ATP8A2: variants seen among roughly 807,000 people sequenced by gnomAD.
ATP8A2 encodes phospholipid-transporting ATPase IB.
ATP8A2 carries 100 observed loss-of-function variants against 165.6 expected under a neutral mutation model. The ratio of observed to expected loss-of-function variants is 0.60; its 90% CI spans 0.51 to 0.71. The LOEUF is 0.71. ATP8A2 is among the 30% of genes least tolerant of loss of function. ATP8A2 has a pLI of 0.00. For synonymous variants in ATP8A2, 543 were observed against 548.8 expected, an observed-to-expected ratio of 0.99 and a Z score of 0.15; for missense variants, 1,227 against 1,479.5, an observed-to-expected ratio of 0.83 and a Z score of 2.80.
intron 1 of ATP8A2, among the ~76,000 whole-genome samples, chr13:25,436,267 G>C (rs371562529): frequency 6.6e-6 from 1 of 151,952 alleles, no homozygotes; most frequent in African/African-American, 2.4e-5. Flanking sequence ...CCCCTACCCC[G>C]TCCCCAATCC....
At chr13:25,877,231 A>G (rs1312388103) in intron 33 of ATP8A2, among the ~76,000 whole-genome samples, 1 of 152,200 alleles carries the variant, frequency 6.6e-6, no homozygotes, top group Non-Finnish European at 1.5e-5. Flanking sequence ...TTCTCCCCCA[A>G]AAACTTTTTT....
At chr13:25,783,779 G>A (rs1381982169) in intron 27 of ATP8A2, among the ~76,000 whole-genome samples, 2 of 152,174 alleles carry the variant, frequency 1.3e-5, no homozygotes, top group Non-Finnish European at 2.9e-5. Flanking sequence ...ATAAATGTCA[G>A]CAATTAGCCC....
rs1302891070 is a variant in ATP8A2, at chr13:25,551,367, A to G, written c.921A>G (p.Ser307=). 13 of 1,613,968 alleles carry G rather than the reference A, an allele frequency of 8.1e-6. No individual in the cohort carries two copies. The highest frequency in any genetic ancestry group is 2.2e-5 in the East Asian group (1 of 44,884). Residue 307 remains serine (S), a synonymous_variant, in exon 11 of 37, where the codon TCA becomes TCG. Transcript: ENST00000381655. ...CAACCAAAGCGCCTCTCAAGAGATC[A>G]AATGTTGAGAAGGTGACTAACGTGC... ...QNSTKAPLKR[S]NVEKVTNVQI...
intron 33 of ATP8A2, among the ~76,000 whole-genome samples, chr13:25,865,578 A>G (rs1191964756): frequency 1.3e-5 from 2 of 152,186 alleles, no homozygotes; most frequent in Non-Finnish European, 1.5e-5. Flanking sequence ...CACGGAGAAG[A>G]ATATGGGTTT....
chr13:25,589,487 TC>T, intron 23 of ATP8A2, 147 bp from the exon 24 acceptor site: 1 of 575,548 alleles, frequency 1.7e-6, no homozygotes. Flanking sequence ...AGAATCAAAA[TC>T]AACTTACTTT....
chr13:25,736,284 G>A (rs1280898390), intron 25 of ATP8A2, among the ~76,000 whole-genome samples: 2 of 152,188 alleles, frequency 1.3e-5, no homozygotes, highest in Non-Finnish European at 2.9e-5. Context: ...AAAGGCTGGA[G>A]AGGCAGTGGG....
chr13:25,934,483 C>T lies in ATP8A2; in HGVS notation c.3184-27092C>T, dbSNP rs540163917. 4.8e-4 allele frequency among the ~76,000 whole-genome samples: 73 copies of T among 152,362 alleles called. 1 individual carries two copies. The South Asian group carries it at 0.014, about 29-fold the overall frequency. ...CCTTGATTCCAATGGTGGCTTTTACCTCCGGTCAGCAGTGTGACCTTAGGA... is the reference window on the plus strand; with the variant it reads ...CCTTGATTCCAATGGTGGCTTTTACTTCCGGTCAGCAGTGTGACCTTAGGA... On this transcript the variant is annotated intron_variant, in intron 33 of 36. Coordinates refer to ENST00000381655, the MANE Select transcript of ATP8A2 (RefSeq NM_016529.6).
At chr13:25,676,354 G>C (rs1328005772) in intron 24 of ATP8A2, among the ~76,000 whole-genome samples, 1 of 152,096 alleles carries the variant, frequency 6.6e-6, no homozygotes, top group East Asian at 1.9e-4. Context: ...TATCTCAGTA[G>C]CTCTTCCCCC....
chr13:25,902,246 C>T (rs538402433), intron 33 of ATP8A2, among the ~76,000 whole-genome samples: 2 of 152,278 alleles, frequency 1.3e-5, no homozygotes, highest in South Asian at 2.1e-4. Flanking sequence ...TTGTCTACTT[C>T]GGAGTGATAT....
At chr13:25,420,594 G>C (rs2138099180) in intron 1 of ATP8A2, among the ~76,000 whole-genome samples, 1 of 152,336 alleles carries the variant, frequency 6.6e-6, no homozygotes, top group South Asian at 2.1e-4. Flanking sequence ...AATAGCTAAT[G>C]CATGCAGGGC....
chr13:25,660,362 A>G (rs2042023058), intron 24 of ATP8A2, among the ~76,000 whole-genome samples: 1 of 152,250 alleles, frequency 6.6e-6, no homozygotes, highest in Non-Finnish European at 1.5e-5. Flanking sequence ...ATCAACCACT[A>G]GAGCCCAATT....
chr13:25,849,831 T>C (rs1951963020), intron 30 of ATP8A2, among the ~76,000 whole-genome samples: 1 of 152,226 alleles, frequency 6.6e-6, no homozygotes, highest in Non-Finnish European at 1.5e-5. Flanking sequence ...CTGAATTGTC[T>C]CTAAGAGAGC....
chr13:25,600,190 A>G (rs975812765), intron 24 of ATP8A2, among the ~76,000 whole-genome samples: 3 of 152,248 alleles, frequency 2.0e-5, no homozygotes, highest in African/African-American at 7.2e-5. Flanking sequence ...TTCATTGAAC[A>G]CAGACATCCC....
In ATP8A2 at chr13:25,638,382, G is replaced by T. The variant is rs142010263; in HGVS notation, c.2211+48683G>T. Among the ~76,000 whole-genome samples, 10 of 152,300 alleles carry T rather than the reference G, an allele frequency of 6.6e-5. 1 individual carries two copies. Among genetic ancestry groups the T allele is most frequent in the African/African-American group, 2.4e-4 (10 of 41,582 alleles). ...GAAAAAAGATTAGATGAATAGCTAA[G>T]TAGAATAACCAGTGTAGAGAAGTCC... On this transcript the variant is annotated intron_variant, in intron 24 of 36. Coordinates refer to ENST00000381655, the MANE Select transcript of ATP8A2 (RefSeq NM_016529.6).
intron 27 of ATP8A2, among the ~76,000 whole-genome samples, chr13:25,794,394 A>T (rs931852515): frequency 3.3e-5 from 5 of 152,246 alleles, no homozygotes; most frequent in Admixed American, 1.3e-4. Context: ...ATTGTGCTAC[A>T]TGAAAGAACC....
At chr13:25,948,148 C>G (rs1955260708) in intron 33 of ATP8A2, among the ~76,000 whole-genome samples, 1 of 152,138 alleles carries the variant, frequency 6.6e-6, no homozygotes. Context: ...TTCTATAGCA[C>G]AGCTCAACCC....
intron 1 of ATP8A2, among the ~76,000 whole-genome samples, chr13:25,438,969 G>T (rs2034855568): frequency 1.3e-5 from 2 of 152,204 alleles, no homozygotes; most frequent in South Asian, 4.1e-4. Context: ...GACCCTTTAA[G>T]AATTCAAAGT....
chr13:25,567,408 A>G (rs2039346793), intron 16 of ATP8A2: 2 of 456,620 alleles, frequency 4.4e-6, no homozygotes, highest in Admixed American at 2.3e-5. Context: ...TAAGTTAGTG[A>G]TCTTTCTTCT....
At chr13:25,747,382 T>G (rs12430803) in intron 25 of ATP8A2, among the ~76,000 whole-genome samples, 53,539 of 152,094 alleles carry the variant, frequency 0.35, 9,823 homozygotes, top group East Asian at 0.49. Flanking sequence ...TTCCAAATTT[T>G]TGTGGTCTTT....
Sources: gnomAD v4.1 joint callset for allele counts (sites outside exome capture counted in the v4.1 genomes callset) on GRCh38, gnomAD v4.1.1 for gene constraint, MANE v1.5 for transcripts, NCBI Gene and HGNC (gene_info 2026-07-23, HGNC 2026-07-21) for gene names.